Variants in CILP observed in about 807,000 individuals in gnomAD.
CILP encodes cartilage intermediate layer protein.
In CILP, 75 loss-of-function variants were observed where a neutral mutation model predicts 82.5. That is an observed-to-expected ratio of 0.91 (90% CI 0.75 to 1.10). The LOEUF is 1.10. Ranked by LOEUF, CILP falls within the 50% of genes least tolerant of loss-of-function variation. CILP has a pLI of 0.00. For synonymous variants in CILP, 530 were observed against 580.3 expected (o/e 0.91, Z 1.25); for missense variants, 1,479 against 1,530.8 (o/e 0.97, Z 0.56).
In CILP at chr15:65,197,353, C is replaced by T. The variant is rs373252930; in HGVS notation, c.2933G>A (p.Arg978Gln). The change falls in exon 9 of 9, where the codon CGG becomes CAG. Residue 978 changes from arginine (R) to glutamine (Q), a missense_variant. By Grantham distance (43) the Arg-to-Gln change is conservative. Transcript: ENST00000261883. ...TCCATACAGCTTCCCCACTGTCTGC[C>T]GATGAGTGCCCCCCATGTTGCGGGA... The part of the protein sequence containing the change: ...VRSRNMGGTH[R>Q]QTVGKLYGIR... The T allele has an allele frequency of 3.5e-5, 56 of 1,614,220 alleles. No homozygotes were observed. The highest frequency in any genetic ancestry group is 1.6e-4 in the Middle Eastern group (1 of 6,062).
chr15:65,206,193 G>A (rs1306060218), intron 4 of CILP, among the ~76,000 whole-genome samples: 3 of 152,172 alleles, frequency 2.0e-5, no homozygotes, highest in East Asian at 1.9e-4. Flanking sequence ...TCTGAACCTC[G>A]TGTAACTTGT....
rs1298202172 is a variant in CILP at position 65,198,858 on chromosome 15, C to A, written c.1428G>T (p.Val476=). ...QCSGYTLPTK[V]AKECSCQRCT... ...ACCGCTGGCAGCTGCACTCCTTGGC[C>A]ACCTTGGTGGGTAGCGTGTAGCCAC... The change falls in exon 9 of 9, where the codon GTG becomes GTT. Residue 476 remains valine (V), a synonymous_variant. Coordinates refer to ENST00000261883, the MANE Select transcript of CILP (RefSeq NM_003613.4). 1.2e-6 allele frequency: 2 copies of A among 1,614,106 alleles called. No individual in the cohort carries two copies. The highest frequency in any genetic ancestry group is 2.2e-5 in the South Asian group (2 of 91,082).
chr15:65,209,877 G>T lies in CILP; in HGVS notation c.-106-16C>A. 1.3e-6 allele frequency: 1 copy of T among 746,290 alleles called. No homozygotes were observed. Among genetic ancestry groups the T allele is most frequent in the Non-Finnish European group, 2.3e-6 (1 of 437,154 alleles). The allele number at this position is 746,290 out of a possible 1,614,324, so 46.2% of individuals were successfully genotyped here. ...ATCCAGTGACCTGTAAAGAAACAAA[G>T]CTTGTCAGGTTTCATATTTCTGAAT... On this transcript the variant is annotated splice_polypyrimidine_tract_variant and intron_variant, in intron 1 of 8. Transcript: ENST00000261883.
chr15:65,205,911 GC>G (rs900170603), intron 4 of CILP, among the ~76,000 whole-genome samples: 26 of 152,322 alleles, frequency 1.7e-4, no homozygotes, highest in Non-Finnish European at 1.3e-4. Context: ...CTGGCCTGAG[GC>G]CTGTGTACAA....
Position 65,198,765 on chromosome 15 carries a change from A to C in CILP, c.1521T>G (p.Phe507Leu). The change falls in exon 9 of 9, where the codon TTT becomes TTG. Residue 507 changes from phenylalanine (F) to leucine (L), a missense_variant. Coordinates refer to ENST00000261883, the MANE Select transcript of CILP (RefSeq NM_003613.4). Reference protein sequence around the residue: ...SAADNGEPMRFGHVYMGNSRV... With the variant: ...SAADNGEPMRLGHVYMGNSRV... ...GGCTGTTCCCCATGTACACATGGCC[A>C]AAGCGCATGGGCTCCCCATTGTCAG... 1.9e-6 allele frequency: 3 copies of C among 1,614,146 alleles called. No individual in the cohort carries two copies. The highest frequency in any genetic ancestry group is 1.7e-6 in the Non-Finnish European group (2 of 1,180,030).
At chr15:65,208,834 G>T (rs567159080) in intron 2 of CILP, among the ~76,000 whole-genome samples, 33 of 152,212 alleles carry the variant, frequency 2.2e-4, no homozygotes, top group African/African-American at 3.4e-4. Flanking sequence ...AACCTAATCT[G>T]ATTTCCCCTC....
rs560662089 is a variant in CILP at position 65,201,723 on chromosome 15, C to T, written c.1186+149G>A. On this transcript the variant is annotated intron_variant, in intron 8 of 8. Coordinates refer to ENST00000261883, the MANE Select transcript of CILP (RefSeq NM_003613.4). ...CAGCCTGGGTGACACAGCGAGACTC[C>T]ATCTCAAAAAAAAAAAAAAAAAAAA... 19 of 394,700 alleles carry T rather than the reference C, an allele frequency of 4.8e-5. No homozygotes were observed. In the African/African-American group the frequency reaches 6.7e-4, roughly 14 times the overall value. 24.4% of individuals were successfully genotyped at this position (394,700 alleles called of 1,614,324 possible).
At chr15:65,207,812 ACAGCATTCCTCAAGATG>A (rs746819807) in intron 2 of CILP, 48 bp from the exon 3 acceptor site, 2 of 1,509,254 alleles carry the variant, frequency 1.3e-6, no homozygotes, top group South Asian at 2.3e-5. Context: ...ACTGGAAGTT[ACAGCATTCCTCAAGATG>A]CAGGGAAACA....
intron 2 of CILP, among the ~76,000 whole-genome samples, chr15:65,209,485 G>C (rs893303390): frequency 3.3e-5 from 5 of 151,982 alleles, no homozygotes; most frequent in Non-Finnish European, 5.9e-5. Context: ...CTCATATAAA[G>C]GTTCTGTTTT....
In CILP at chr15:65,196,976, A is replaced by G. The variant is rs780242747; in HGVS notation, c.3310T>C (p.Ser1104Pro). The G allele has an allele frequency of 1.1e-5, 17 of 1,614,132 alleles. No homozygotes were observed. Among genetic ancestry groups the G allele is most frequent in the Non-Finnish European group, 1.4e-5 (17 of 1,180,000 alleles). ...CCCACATTGCTCTTCATGATTCTGGAGGAGCCATCGGATGTGCCATCAAAG... is the reference window on the plus strand; with the variant it reads ...CCCACATTGCTCTTCATGATTCTGGGGGAGCCATCGGATGTGCCATCAAAG... Reference protein sequence around the residue: ...RCFDGTSDGSSRIMKSNVGVA... With the variant: ...RCFDGTSDGSPRIMKSNVGVA... The change falls in exon 9 of 9, where the codon TCC becomes CCC. Residue 1104 changes from serine (S) to proline (P), a missense_variant. Transcript: ENST00000261883.
At position 65,198,498 on chromosome 15, in the gene CILP, G is replaced by T. The variant is rs753684058; in HGVS notation, c.1788C>A (p.Asp596Glu). 1 of 1,614,254 alleles carries T rather than the reference G, an allele frequency of 6.2e-7. No individual in the cohort carries two copies. The highest frequency in any genetic ancestry group is 8.5e-7 in the Non-Finnish European group (1 of 1,180,048). Residue 596 changes from aspartate (D) to glutamate (E), a missense_variant, in exon 9 of 9, where the codon GAC (aspartate) becomes GAA (glutamate). Physicochemically the swap from Asp to Glu is conservative, Grantham distance 45. Coordinates refer to ENST00000261883, the MANE Select transcript of CILP (RefSeq NM_003613.4). Reference sequence around the variant, plus strand: ...ATGGAATCTCCAGTTCAGCCATGGGGTCTTCACCAACCACTTCCCCCAGGG... The same window carrying T: ...ATGGAATCTCCAGTTCAGCCATGGGTTCTTCACCAACCACTTCCCCCAGGG... Reference protein sequence around the residue: ...IIPLGEVVGEDPMAELEIPSR... With the variant: ...IIPLGEVVGEEPMAELEIPSR...
At chr15:65,207,831 A>C in intron 2 of CILP, 67 bp from the exon 3 acceptor site, 1 of 1,369,854 alleles carries the variant, frequency 7.3e-7, no homozygotes, top group Non-Finnish European at 1.0e-6. Context: ...CTCAAGATGC[A>C]GGGAAACAGT....
chr15:65,198,498 G>A lies in CILP; in HGVS notation c.1788C>T (p.Asp596=), dbSNP rs753684058. Residue 596 remains aspartate, a synonymous_variant, in exon 9 of 9, where the codon GAC becomes GAT. Coordinates refer to ENST00000261883, the MANE Select transcript of CILP (RefSeq NM_003613.4). ...ATGGAATCTCCAGTTCAGCCATGGG[G>A]TCTTCACCAACCACTTCCCCCAGGG... is the stretch of plus-strand genomic sequence containing the variant. ...IIPLGEVVGE[D]PMAELEIPSR... The A allele has an allele frequency of 1.9e-6, 3 of 1,614,254 alleles. No individual in the cohort carries two copies. The East Asian group carries it at 6.7e-5, about 36-fold the overall frequency.
In CILP at chr15:65,197,286, A is replaced by G; in HGVS notation, c.3000T>C (p.Asn1000=). The G allele has an allele frequency of 1.2e-6, 2 of 1,614,052 alleles. No individual in the cohort carries two copies. Among genetic ancestry groups the G allele is most frequent in the Non-Finnish European group, 8.5e-7 (1 of 1,179,988 alleles). ...TGAACTCCAGACAGGCAGCTGAGAC[A>G]TTGGGCTGGTCCCTGTCCCGAGTGC... is the stretch of plus-strand genomic sequence containing the variant. ...VRSTRDRDQP[N]VSAACLEFKC... is the part of the protein sequence containing the mutation. The change falls in exon 9 of 9, where the codon AAT becomes AAC. Residue 1000 remains asparagine, a synonymous_variant. Transcript: ENST00000261883.
In CILP at chr15:65,197,363, C is replaced by G. The variant is rs757160279; in HGVS notation, c.2923G>C (p.Gly975Arg). 8.7e-6 allele frequency: 14 copies of G among 1,614,108 alleles called. No homozygotes were observed. The Admixed American group carries it at 1.3e-4, about 15-fold the overall frequency. Residue 975 changes from glycine to arginine, a missense_variant, in exon 9 of 9, where the codon GGC becomes CGC. By Grantham distance (125) the Gly-to-Arg change is moderately radical. Transcript: ENST00000261883. Reference protein sequence around the residue: ...EVNVRSRNMGGTHRQTVGKLY... With the variant: ...EVNVRSRNMGRTHRQTVGKLY... ...TTCCCCACTGTCTGCCGATGAGTGC[C>G]CCCCATGTTGCGGGATCGCACATTC...
In CILP at chr15:65,197,685, T is replaced by C. The variant is rs780841079; in HGVS notation, c.2601A>G (p.Pro867=). ...LNYRRTDHED[P]RVKKTAFQIS... ...TCTGGAAAGCTGTCTTTTTAACCCG[T>C]GGATCCTCATGGTCCGTCCGACGGT... Residue 867 remains proline (P), a synonymous_variant, in exon 9 of 9, where the codon CCA becomes CCG. Coordinates refer to ENST00000261883, the MANE Select transcript of CILP (RefSeq NM_003613.4). 1.2e-6 allele frequency: 2 copies of C among 1,613,852 alleles called. No individual in the cohort carries two copies. The highest frequency in any genetic ancestry group is 2.2e-5 in the South Asian group (2 of 91,082).
At chr15:65,207,380 G>A (rs1274369480) in intron 3 of CILP, among the ~76,000 whole-genome samples, 2 of 152,156 alleles carry the variant, frequency 1.3e-5, no homozygotes, top group East Asian at 3.9e-4. Context: ...CATTCAGGGT[G>A]CTGGTGAGCT....
At position 65,198,362 on chromosome 15, in the gene CILP, G is replaced by A; in HGVS notation, c.1924C>T (p.Leu642=). 1 of 1,614,232 alleles carries A rather than the reference G, an allele frequency of 6.2e-7. No individual in the cohort carries two copies. The highest frequency in any genetic ancestry group is 8.5e-7 in the Non-Finnish European group (1 of 1,180,048). ...ISTATAAQTD[L]NFINDEGDTF... ...TCTCCTTCGTCATTGATGAAGTTCA[G>A]GTCAGTCTGGGCAGCTGTGGCTGTG... The change falls in exon 9 of 9, where the codon CTG becomes TTG. Residue 642 remains leucine (L), a synonymous_variant. Coordinates refer to ENST00000261883, the MANE Select transcript of CILP (RefSeq NM_003613.4).
At chr15:65,202,939 G>A (rs1484700856) in intron 7 of CILP, among the ~76,000 whole-genome samples, 1 of 150,478 alleles carries the variant, frequency 6.6e-6, no homozygotes, top group Non-Finnish European at 1.5e-5. Flanking sequence ...GGACTCAAGC[G>A]ATCCTCCTAC....
Sources: gnomAD v4.1 joint callset for allele counts (sites outside exome capture counted in the v4.1 genomes callset) on GRCh38, gnomAD v4.1.1 for gene constraint, MANE v1.5 for transcripts, NCBI Gene and HGNC (gene_info 2026-07-23, HGNC 2026-07-21) for gene names.